Variants in PIWIL4 observed in about 807,000 individuals in gnomAD.
PIWIL4 encodes piwi like RNA-mediated gene silencing 4, also known as piwi-like protein 4.
In PIWIL4, 50 loss-of-function variants were observed where a neutral mutation model predicts 100.9. That is an observed-to-expected ratio of 0.50 (90% CI 0.39 to 0.63). The LOEUF is 0.63. PIWIL4 is among the 20% of genes least tolerant of loss of function. The pLI, the probability that PIWIL4 is intolerant of heterozygous loss-of-function variation, is 0.00. For synonymous variants in PIWIL4, 342 were observed against 367.5 expected, an observed-to-expected ratio of 0.93 and a Z score of 0.79; for missense variants, 887 against 1,043.3, an observed-to-expected ratio of 0.85 and a Z score of 2.06.
chr11:94,589,009 A>T, intron 7 of PIWIL4, 112 bp from the exon 8 acceptor site: 1 of 681,900 alleles, frequency 1.5e-6, no homozygotes, highest in Non-Finnish European at 2.4e-6. Flanking sequence ...TATTGTTTTC[A>T]TAATTTCTGA....
Position 94,586,686 on chromosome 11 carries a change from G to A in PIWIL4, c.717-364G>A, listed in dbSNP as rs537128652. Among the ~76,000 whole-genome samples the A allele has an allele frequency of 8.5e-5, 13 of 152,240 alleles. No individual in the cohort carries two copies. In the South Asian group the frequency reaches 1.5e-3, roughly 17 times the overall value. On this transcript the variant is annotated intron_variant, in intron 6 of 19. Coordinates refer to ENST00000299001, the MANE Select transcript of PIWIL4 (RefSeq NM_152431.3). ...GGAACATTTTGTATTGTCTGGAGACGTTTCTGGTTGTCACAGCTGGGAGGC... is the reference window on the plus strand; with the variant it reads ...GGAACATTTTGTATTGTCTGGAGACATTTCTGGTTGTCACAGCTGGGAGGC...
chr11:94,577,561 A>C (rs1948255401), intron 4 of PIWIL4, 69 bp downstream of exon 4: 1 of 1,174,984 alleles, frequency 8.5e-7, no homozygotes, highest in Admixed American at 2.5e-5. Context: ...ACACACACAC[A>C]TATATATGCA....
chr11:94,576,237 C>T (rs561095056), intron 3 of PIWIL4, among the ~76,000 whole-genome samples: 20 of 152,270 alleles, frequency 1.3e-4, no homozygotes, highest in African/African-American at 2.6e-4. Flanking sequence ...CAGGTTCAAG[C>T]GATTCTTGTG....
intron 9 of PIWIL4, among the ~76,000 whole-genome samples, chr11:94,594,149 A>G (rs1948522840): frequency 6.6e-6 from 1 of 152,116 alleles, no homozygotes; most frequent in South Asian, 2.1e-4. Context: ...TATGATGTGT[A>G]TATATCTATT....
At chr11:94,603,331 G>A (rs570228602) in intron 12 of PIWIL4, among the ~76,000 whole-genome samples, 21 of 152,152 alleles carry the variant, frequency 1.4e-4, no homozygotes, top group Non-Finnish European at 2.8e-4. Flanking sequence ...ACACATAAAA[G>A]AGGCTGATTC....
chr11:94,615,652 G>A (rs1221691190), intron 15 of PIWIL4, among the ~76,000 whole-genome samples: 2 of 151,982 alleles, frequency 1.3e-5, no homozygotes, highest in Non-Finnish European at 2.9e-5. Flanking sequence ...TTAGAGATGG[G>A]GTCTTGCTTT....
intron 1 of PIWIL4, 78 bp from the exon 2 acceptor site, chr11:94,568,652 G>T: frequency 1.8e-6 from 2 of 1,124,520 alleles, no homozygotes; most frequent in East Asian, 4.9e-5. Context: ...CTAAAGACCT[G>T]ACACTGTTCT....
chr11:94,594,064 G>A (rs1283985627), intron 9 of PIWIL4, among the ~76,000 whole-genome samples: 1 of 152,084 alleles, frequency 6.6e-6, no homozygotes, highest in African/African-American at 2.4e-5. Context: ...TTTTAACAAT[G>A]TTCTTTTGAC....
chr11:94,616,453 T>G (rs1342749365), intron 15 of PIWIL4, 40 bp from the exon 16 acceptor site: 1 of 1,464,700 alleles, frequency 6.8e-7, no homozygotes, highest in East Asian at 2.3e-5. Context: ...GTAGAAAAAT[T>G]GAAGTTGAAT....
intron 4 of PIWIL4, among the ~76,000 whole-genome samples, chr11:94,579,931 G>T (rs1430049435): frequency 2.6e-5 from 4 of 152,152 alleles, no homozygotes; most frequent in Non-Finnish European, 5.9e-5. Context: ...TAGATACGTT[G>T]AAATTATTAA....
chr11:94,576,151 T>C (rs1948233310), intron 3 of PIWIL4, among the ~76,000 whole-genome samples: 1 of 152,226 alleles, frequency 6.6e-6, no homozygotes, highest in Non-Finnish European at 1.5e-5. Flanking sequence ...TTTCTTTTTT[T>C]GGAGACAGCG....
At chr11:94,567,758 A>G in intron 1 of PIWIL4, 153 bp downstream of exon 1, 1 of 1,264,738 alleles carries the variant, frequency 7.9e-7, no homozygotes, top group Non-Finnish European at 1.0e-6. Context: ...GGTTTCTTCT[A>G]ACAGTTTTCT....
intron 6 of PIWIL4, among the ~76,000 whole-genome samples, chr11:94,586,369 T>G (rs1441334014): frequency 6.6e-6 from 1 of 152,102 alleles, no homozygotes. Flanking sequence ...CTGGAATTAT[T>G]TTTTAAAATA....
chr11:94,586,967 C>A, intron 6 of PIWIL4, 83 bp from the exon 7 acceptor site: 2 of 1,236,508 alleles, frequency 1.6e-6, no homozygotes, highest in South Asian at 1.4e-5. Context: ...AGAATTAGAA[C>A]AGAAAATCAC....
chr11:94,602,564 GATAA>G lies in PIWIL4; in HGVS notation c.1565+593_1565+596del, dbSNP rs568574785. Among the ~76,000 whole-genome samples, 362 of 152,242 alleles carry G rather than the reference GATAA, an allele frequency of 2.4e-3. 1 individual carries two copies. The highest frequency in any genetic ancestry group is 7.4e-3 in the African/African-American group (309 of 41,556). On this transcript the variant is annotated intron_variant, in intron 12 of 19. Transcript: ENST00000299001. ...TATGCCAGTTGCTGGGAATGAGAAA[GATAA>G]ATAAATAGTTTTTCATTGAGTAAGA...
At chr11:94,590,549 A>G (rs1948469811) in intron 8 of PIWIL4, among the ~76,000 whole-genome samples, 1 of 152,106 alleles carries the variant, frequency 6.6e-6, no homozygotes, top group Non-Finnish European at 1.5e-5. Flanking sequence ...ATTCATCTCC[A>G]TTTCCAGAAC....
rs1948896225 is a variant in PIWIL4, at chr11:94,620,743, T to A, written c.2443-133T>A. On this transcript the variant is annotated intron_variant, in intron 19 of 19. Coordinates refer to ENST00000299001, the MANE Select transcript of PIWIL4 (RefSeq NM_152431.3). ...AGTAAGTTAGGTTACCTTTTGTTGGTTGAGGTTACCTGTTGTTTACCCAGA... is the reference window on the plus strand; with the variant it reads ...AGTAAGTTAGGTTACCTTTTGTTGGATGAGGTTACCTGTTGTTTACCCAGA... 2.1e-5 allele frequency: 13 copies of A among 624,364 alleles called. 1 individual carries two copies. In the South Asian group the frequency reaches 2.8e-4, roughly 14 times the overall value. 38.7% of individuals were successfully genotyped at this position (624,364 alleles called of 1,614,324 possible). A position where few individuals can be genotyped will look rare whatever the true frequency, so the allele number is the denominator to read the frequency against.
In PIWIL4 at chr11:94,604,088, A is replaced by C; in HGVS notation, c.1638+32A>C. 2.1e-6 allele frequency: 3 copies of C among 1,426,746 alleles called. No individual in the cohort carries two copies. In the South Asian group the frequency reaches 3.9e-5, roughly 18 times the overall value. The allele number at this position is 1,426,746 out of a possible 1,614,324, so 88.4% of individuals were successfully genotyped here. On this transcript the variant is annotated intron_variant, in intron 13 of 19. Transcript: ENST00000299001. Reference sequence around the variant, plus strand: ...ACAGGATACTTTTTGAACTCCTTTAATCTATAATTTTAGTTCTGCTTTATA... The same window carrying C: ...ACAGGATACTTTTTGAACTCCTTTACTCTATAATTTTAGTTCTGCTTTATA...
chr11:94,619,766 A>ACTGT lies in PIWIL4; in HGVS notation c.2177_2180dup (p.Ile729GlyfsTer36). On this transcript the variant is annotated frameshift_variant, in exon 18 of 20. Transcript: ENST00000299001. LOFTEE classifies it high-confidence loss of function. ...TTGCCTCTCTAATTTTTAGCTCAAG[A>ACTGT]CTGTCGGTGATTGTGGTCAGGAAGA... 6.2e-7 allele frequency: 1 copy of ACTGT among 1,613,758 alleles called. No individual in the cohort carries two copies. The highest frequency in any genetic ancestry group is 1.1e-5 in the South Asian group (1 of 90,946).
Sources: allele counts gnomAD v4.1 joint callset (sites outside exome capture counted in the v4.1 genomes callset), GRCh38; gene constraint gnomAD v4.1.1; transcripts MANE v1.5; gene names NCBI Gene and HGNC (gene_info 2026-07-23, HGNC 2026-07-21).